The following TLE1 variants were observed in gnomAD, a reference collection of about 807,000 sequenced individuals.
TLE1 encodes the protein TLE family member 1, transcriptional corepressor.
A neutral mutation model predicts 89.8 loss-of-function variants in TLE1; 21 were observed. The observed-to-expected ratio is 0.23, with a 90% CI of 0.17 to 0.34. The LOEUF is 0.34. Ranked by LOEUF, TLE1 falls within the 10% of genes least tolerant of loss-of-function variation. The pLI is 1.00. For synonymous variants in TLE1, 447 were observed against 407.6 expected, an observed-to-expected ratio of 1.10 and a Z score of -1.16; for missense variants, 795 against 1,031.2, an observed-to-expected ratio of 0.77 and a Z score of 3.14.
At chr9:81,682,044 G>A (rs367558027) in intron 4 of TLE1, among the ~76,000 whole-genome samples, 14 of 151,896 alleles carry the variant, frequency 9.2e-5, no homozygotes, top group Middle Eastern at 3.4e-3. Flanking sequence ...TCAGGAGTTC[G>A]AAACCAGCCT....
intron 5 of TLE1, 63 bp downstream of exon 5, chr9:81,653,911 T>C (rs1272983854): frequency 1.6e-5 from 23 of 1,455,206 alleles, no homozygotes; most frequent in Non-Finnish European, 1.9e-5. Context: ...ATCTTAAAAC[T>C]AGCTAATTTG....
intron 4 of TLE1, among the ~76,000 whole-genome samples, chr9:81,660,475 G>A (rs532622649): frequency 8.1e-4 from 123 of 151,906 alleles, no homozygotes; most frequent in Middle Eastern, 6.8e-3. Flanking sequence ...GAGCAGTGGC[G>A]CGATCTCGGC....
intron 8 of TLE1, among the ~76,000 whole-genome samples, chr9:81,629,571 T>C (rs1316880927): frequency 2.0e-5 from 3 of 152,198 alleles, no homozygotes; most frequent in Admixed American, 6.5e-5. Context: ...CAGCCATGTG[T>C]CACTAAACAA....
At chr9:81,587,511 C>T (rs1241512667) in intron 17 of TLE1, among the ~76,000 whole-genome samples, 170 bp downstream of exon 17, 1 of 152,112 alleles carries the variant, frequency 6.6e-6, no homozygotes, top group Non-Finnish European at 1.5e-5. Context: ...GGGGGAGGGT[C>T]GTGAAGGAGG....
At position 81,688,226 on chromosome 9, in the gene TLE1, G is replaced by A; in HGVS notation, c.15C>T (p.Ser5=). Residue 5 remains serine, a synonymous_variant, in exon 1 of 20, where the codon AGC becomes AGT. Coordinates refer to ENST00000376499, the MANE Select transcript of TLE1 (RefSeq NM_005077.5). MFPQ[S]RHPTPHQAAG... is the part of the protein sequence containing the mutation. ...CCCAGCCGCGCCTCACCGGGTGCCG[G>A]CTCTGCGGGAACATCGCTCTGGCGG... The A allele has an allele frequency of 1.3e-6, 2 of 1,595,628 alleles. No individual in the cohort carries two copies. The highest frequency in any genetic ancestry group is 2.2e-5 in the South Asian group (2 of 90,024).
chr9:81,641,935 T>C (rs1029799608), intron 6 of TLE1, among the ~76,000 whole-genome samples: 5 of 152,040 alleles, frequency 3.3e-5, no homozygotes, highest in African/African-American at 4.8e-5. Flanking sequence ...GGCAGGAGAA[T>C]TGCTTGAACC....
At chr9:81,673,035 G>C (rs1294993040) in intron 4 of TLE1, among the ~76,000 whole-genome samples, 2 of 152,202 alleles carry the variant, frequency 1.3e-5, no homozygotes, top group African/African-American at 4.8e-5. Flanking sequence ...CACTTTGGGA[G>C]GCTGAGGGAG....
intron 4 of TLE1, among the ~76,000 whole-genome samples, chr9:81,666,796 T>TAAAC (rs1344813177): frequency 1.3e-5 from 2 of 148,792 alleles, no homozygotes; most frequent in Non-Finnish European, 3.0e-5. Flanking sequence ...AATAAATAAA[T>TAAAC]AAATAAATAA....
intron 14 of TLE1, 130 bp from the exon 15 acceptor site, chr9:81,593,404 A>T: frequency 8.0e-7 from 1 of 1,246,980 alleles, no homozygotes; most frequent in Non-Finnish European, 1.1e-6. Context: ...GTTTCCTTTG[A>T]AATCAATACA....
chr9:81,611,532 CA>C (rs1448797642), intron 13 of TLE1, among the ~76,000 whole-genome samples: 1 of 152,216 alleles, frequency 6.6e-6, no homozygotes, highest in Non-Finnish European at 1.5e-5. Context: ...TTTTCATCCA[CA>C]AAAACACTAA....
intron 14 of TLE1, among the ~76,000 whole-genome samples, chr9:81,606,678 T>C (rs1251888014): frequency 6.6e-6 from 1 of 151,676 alleles, no homozygotes; most frequent in Non-Finnish European, 1.5e-5. Flanking sequence ...CTAATGTAAA[T>C]AACGAGTTGA....
At chr9:81,682,656 G>C (rs1429967391) in intron 4 of TLE1, among the ~76,000 whole-genome samples, 1 of 152,002 alleles carries the variant, frequency 6.6e-6, no homozygotes, top group Non-Finnish European at 1.5e-5. Context: ...CACACACTAG[G>C]CACAGCTAGG....
chr9:81,682,555 T>C (rs1833763630), intron 4 of TLE1, among the ~76,000 whole-genome samples: 1 of 152,228 alleles, frequency 6.6e-6, no homozygotes, highest in African/African-American at 2.4e-5. Context: ...GGTTTATGTG[T>C]GCATTTACAG....
chr9:81,655,207 T>C (rs752790304), intron 4 of TLE1, among the ~76,000 whole-genome samples: 1 of 151,668 alleles, frequency 6.6e-6, no homozygotes, highest in Non-Finnish European at 1.5e-5. Flanking sequence ...CTACTCAAAA[T>C]ACAAAAATTA....
rs1255998625 is a variant in TLE1 at position 81,646,904 on chromosome 9, C to G, written c.372+5310G>C. Among the ~76,000 whole-genome samples, 8 of 152,244 alleles carry G rather than the reference C, an allele frequency of 5.3e-5. No individual in the cohort carries two copies. The South Asian group carries it at 1.7e-3, about 32-fold the overall frequency. On this transcript the variant is annotated intron_variant, in intron 6 of 19. Coordinates refer to ENST00000376499, the MANE Select transcript of TLE1 (RefSeq NM_005077.5). The stretch of plus-strand genomic sequence containing the variant: ...GCCTATGGAGAAGGAATATAGAAAT[C>G]TGACCAATAAACAGATTCCCATATA...
chr9:81,633,458 C>A (rs1188689717), intron 7 of TLE1, 94 bp from the exon 8 acceptor site: 3 of 1,588,926 alleles, frequency 1.9e-6, no homozygotes, highest in African/African-American at 2.7e-5. Flanking sequence ...AATTAGAACA[C>A]AAGCCCCAAA....
chr9:81,679,719 T>C (rs1833363932), intron 4 of TLE1, among the ~76,000 whole-genome samples: 1 of 151,854 alleles, frequency 6.6e-6, no homozygotes, highest in Admixed American at 6.6e-5. Flanking sequence ...AAGGTACTAG[T>C]TGTGAGAATT....
chr9:81,592,096 C>G (rs1441045173), intron 15 of TLE1, among the ~76,000 whole-genome samples: 1 of 152,212 alleles, frequency 6.6e-6, no homozygotes, highest in Non-Finnish European at 1.5e-5. Context: ...CGGTGGCTCA[C>G]GCCTATAATC....
intron 16 of TLE1, 92 bp from the exon 17 acceptor site, chr9:81,587,920 G>GTGTGTGTGTGTGTCATCCCGCC: frequency 9.8e-7 from 1 of 1,015,460 alleles, no homozygotes; most frequent in Non-Finnish European, 1.4e-6. Flanking sequence ...GTGTGTGTGT[G>GTGTGTGTGTGTGTCATCCCGCC]TGTGTGTGTG....
Sources: allele counts gnomAD v4.1 joint callset (sites outside exome capture counted in the v4.1 genomes callset), GRCh38; gene constraint gnomAD v4.1.1; transcripts MANE v1.5; gene names NCBI Gene and HGNC (gene_info 2026-07-23, HGNC 2026-07-21).